The following CDKN1A variants were observed in gnomAD, a reference collection of about 807,000 sequenced individuals.
The protein encoded by CDKN1A is cyclin dependent kinase inhibitor 1A.
A neutral mutation model predicts 14.8 loss-of-function variants in CDKN1A; 14 were observed. The observed-to-expected ratio is 0.94, with a 90% confidence interval of 0.62 to 1.48. CDKN1A has a LOEUF of 1.48. Ranked by LOEUF, CDKN1A falls within the 40% of genes most tolerant of loss-of-function variation. CDKN1A has a pLI of 0.00. For missense variants in CDKN1A, 203 were observed against 231.7 expected (o/e 0.88, Z 0.80); for synonymous variants, 92 against 93.5 (o/e 0.98, Z 0.09).
In CDKN1A at chr6:36,686,673, G is replaced by C; in HGVS notation, c.*873G>C. On this transcript the variant is annotated 3_prime_UTR_variant, in exon 3 of 3. Transcript: ENST00000244741. This position sits in a 1 kb window ranked among gnomAD's most constrained non-coding sequence, Gnocchi z 4.9. ...AGCTCCAGGTGGCTCTGAGGTGCCT[G>C]TCCCACCCCCACCCCCAGCTCAATG... 1 of 234,010 alleles carries C rather than the reference G, an allele frequency of 4.3e-6. No individual in the cohort carries two copies. The highest frequency in any genetic ancestry group is 8.4e-6 in the Non-Finnish European group (1 of 118,352). 14.5% of individuals were successfully genotyped at this position (234,010 alleles called of 1,614,324 possible).
upstream of CDKN1A, chr6:36,678,055 C>T (rs942273543): frequency 2.3e-6 from 1 of 429,184 alleles, no homozygotes; most frequent in South Asian, 1.9e-5. The surrounding 1 kb of genome is among the most constrained non-coding windows in gnomAD (Gnocchi z 5.7). Context: ...TGACAATCAA[C>T]AACTTTGTAT....
Position 36,684,276 on chromosome 6 carries a change from C to T in CDKN1A, c.175C>T (p.Leu59=), listed in dbSNP as rs1366496685. 4.3e-6 allele frequency: 7 copies of T among 1,613,150 alleles called. No individual in the cohort carries two copies. The highest frequency in any genetic ancestry group is 2.2e-5 in the East Asian group (1 of 44,894). Residue 59 remains leucine (L), a synonymous_variant, in exon 2 of 3, where the codon CTG becomes TTG. Transcript: ENST00000244741. This position sits in a 1 kb window ranked among gnomAD's most constrained non-coding sequence, Gnocchi z 6.0. ...WNFDFVTETP[L]EGDFAWERVR... is the part of the protein sequence containing the mutation. ...CTTCGACTTTGTCACCGAGACACCA[C>T]TGGAGGGTGACTTCGCCTGGGAGCG...
upstream of CDKN1A, chr6:36,677,466 A>AT (rs1032347346): frequency 1.5e-5 from 3 of 194,076 alleles, no homozygotes; most frequent in African/African-American, 7.1e-5. Flanking sequence ...ATCCTCTGCA[A>AT]TTTTTTAAAA....
Position 36,678,999 on chromosome 6 carries a change from G to T in CDKN1A, c.-6+201G>T, listed in dbSNP as rs1344354484. The T allele has an allele frequency of 5.1e-6, 5 of 984,004 alleles. No homozygotes were observed. In the African/African-American group the frequency reaches 8.8e-5, roughly 17 times the overall value. 61.0% of individuals were successfully genotyped at this position (984,004 alleles called of 1,614,324 possible). A position where few individuals can be genotyped will look rare whatever the true frequency, so the allele number is the denominator to read the frequency against. Reference sequence around the variant, plus strand: ...TTGCGCACACGGTGTCTCTAAGTGCGCGGGTGACGAGAGTCGGGATGTGCC... The same window carrying T: ...TTGCGCACACGGTGTCTCTAAGTGCTCGGGTGACGAGAGTCGGGATGTGCC... On this transcript the variant is annotated intron_variant, in intron 1 of 2. Coordinates refer to ENST00000244741, the MANE Select transcript of CDKN1A (RefSeq NM_000389.5). The surrounding 1 kb of genome is among the most constrained non-coding windows in gnomAD (Gnocchi z 5.7).
At position 36,684,172 on chromosome 6, in the gene CDKN1A, C is replaced by T. The variant is rs2150312928; in HGVS notation, c.71C>T (p.Pro24Leu). 1 of 1,612,346 alleles carries T rather than the reference C, an allele frequency of 6.2e-7. No individual in the cohort carries two copies. The highest frequency in any genetic ancestry group is 8.5e-7 in the Non-Finnish European group (1 of 1,180,008). Reference protein sequence around the residue: ...GSKACRRLFGPVDSEQLSRDC... With the variant: ...GSKACRRLFGLVDSEQLSRDC... Reference sequence around the variant, plus strand: ...AAGGCCTGCCGCCGCCTCTTCGGCCCAGTGGACAGCGAGCAGCTGAGCCGC... The same window carrying T: ...AAGGCCTGCCGCCGCCTCTTCGGCCTAGTGGACAGCGAGCAGCTGAGCCGC... The change falls in exon 2 of 3, where the codon CCA (proline) becomes CTA (leucine). Residue 24 changes from proline (P) to leucine (L), a missense_variant. By Grantham distance (98) the Pro-to-Leu change is moderately conservative (BLOSUM62 -3). Coordinates refer to ENST00000244741, the MANE Select transcript of CDKN1A (RefSeq NM_000389.5). This position sits in a 1 kb window ranked among gnomAD's most constrained non-coding sequence, Gnocchi z 6.0.
rs1762076565 is a variant in CDKN1A at position 36,683,229 on chromosome 6, A to C, written c.-5-868A>C. ...ATCCTCTGAGACAGTCACTATTACT[A>C]TCCCCATTTTATAGATGAGGAAACT... On this transcript the variant is annotated intron_variant, in intron 1 of 2. Coordinates refer to ENST00000244741, the MANE Select transcript of CDKN1A (RefSeq NM_000389.5). 2.0e-5 allele frequency among the ~76,000 whole-genome samples: 3 copies of C among 152,208 alleles called. No individual in the cohort carries two copies. The South Asian group carries it at 6.2e-4, about 32-fold the overall frequency.
At chr6:36,685,241 TAAC>T (rs1319360122) in intron 2 of CDKN1A, among the ~76,000 whole-genome samples, 4 of 152,202 alleles carry the variant, frequency 2.6e-5, no homozygotes, top group East Asian at 1.9e-4. Context: ...CTAATTATAA[TAAC>T]AACAACTACT....
At chr6:36,678,158 G>A (rs1246464520), upstream of CDKN1A, 1 of 351,970 alleles carries the variant, frequency 2.8e-6, no homozygotes, top group African/African-American at 2.2e-5. The surrounding 1 kb of genome is among the most constrained non-coding windows in gnomAD (Gnocchi z 5.7). Context: ...GGGGTGTCTA[G>A]GTGCTCCAGG....
chr6:36,684,221 C>T lies in CDKN1A; in HGVS notation c.120C>T (p.Gly40=), dbSNP rs745384729. The T allele has an allele frequency of 1.2e-6, 2 of 1,611,736 alleles. No individual in the cohort carries two copies. Among genetic ancestry groups the T allele is most frequent in the Admixed American group, 3.3e-5 (2 of 60,026 alleles). ...GCGACTGTGATGCGCTAATGGCGGG[C>T]TGCATCCAGGAGGCCCGTGAGCGAT... The part of the protein sequence containing the change: ...LSRDCDALMA[G]CIQEARERWN... The change falls in exon 2 of 3, where the codon GGC becomes GGT. Residue 40 remains glycine (G), a synonymous_variant. Transcript: ENST00000244741. The surrounding 1 kb of genome is among the most constrained non-coding windows in gnomAD (Gnocchi z 6.0).
chr6:36,681,718 G>C (rs1397498747), intron 1 of CDKN1A, among the ~76,000 whole-genome samples: 1 of 147,508 alleles, frequency 6.8e-6, no homozygotes. Flanking sequence ...TCAGCCTCCC[G>C]AGTAGCTGGG....
rs1245963046 is a variant in CDKN1A, at chr6:36,684,964, T to G, written c.445+418T>G. On this transcript the variant is annotated intron_variant, in intron 2 of 2. Coordinates refer to ENST00000244741, the MANE Select transcript of CDKN1A (RefSeq NM_000389.5). This position sits in a 1 kb window ranked among gnomAD's most constrained non-coding sequence, Gnocchi z 6.0. ...TTCCTACCTCAGCCTCCTGGGTAGCTGGGAAGCTGGGACTATAGTTGTACA... is the reference window on the plus strand; with the variant it reads ...TTCCTACCTCAGCCTCCTGGGTAGCGGGGAAGCTGGGACTATAGTTGTACA... 6.6e-6 allele frequency among the ~76,000 whole-genome samples: 1 copy of G among 152,148 alleles called. No individual in the cohort carries two copies. Among genetic ancestry groups the G allele is most frequent in the Non-Finnish European group, 1.5e-5 (1 of 68,024 alleles).
Position 36,684,583 on chromosome 6 carries a change from C to T in CDKN1A, c.445+37C>T, listed in dbSNP as rs1216374377. On this transcript the variant is annotated intron_variant, in intron 2 of 2. Transcript: ENST00000244741. This position sits in a 1 kb window ranked among gnomAD's most constrained non-coding sequence, Gnocchi z 6.0. The stretch of plus-strand genomic sequence containing the variant: ...TGCACGGAAGGACTTTGTAAGGGAC[C>T]AGGATTCTCAGAATCCATGGTCCAA... The T allele has an allele frequency of 6.3e-7, 1 of 1,582,410 alleles. No individual in the cohort carries two copies. Among genetic ancestry groups the T allele is most frequent in the South Asian group, 1.1e-5 (1 of 90,210 alleles).
In CDKN1A at chr6:36,678,898, G is replaced by A. The variant is rs1286639879; in HGVS notation, c.-6+100G>A. The A allele has an allele frequency of 3.0e-6, 3 of 985,880 alleles. No individual in the cohort carries two copies. The East Asian group carries it at 3.4e-4, about 112-fold the overall frequency. The allele number at this position is 985,880 out of a possible 1,614,324, so 61.1% of individuals were successfully genotyped here. ...TCCCTGCGTGTCCGCGAGGATGCGT[G>A]TTCGCGGGTGTGTGCTGCGTTCACA... On this transcript the variant is annotated intron_variant, in intron 1 of 2. Coordinates refer to ENST00000244741, the MANE Select transcript of CDKN1A (RefSeq NM_000389.5). The surrounding 1 kb of genome is among the most constrained non-coding windows in gnomAD (Gnocchi z 5.7).
Position 36,686,076 on chromosome 6 carries a change from C to A in CDKN1A, c.*276C>A. The A allele has an allele frequency of 1.9e-6, 1 of 516,380 alleles. No homozygotes were observed. Among genetic ancestry groups the A allele is most frequent in the East Asian group, 3.4e-5 (1 of 29,556 alleles). The allele number at this position is 516,380 out of a possible 1,614,324, so 32.0% of individuals were successfully genotyped here. ...TAAAGCCTCCTCATCCCGTGTTCTCCTTTTCCTCTCTCCCGGAGGTTGGGT... is the reference window on the plus strand; with the variant it reads ...TAAAGCCTCCTCATCCCGTGTTCTCATTTTCCTCTCTCCCGGAGGTTGGGT... On this transcript the variant is annotated 3_prime_UTR_variant, in exon 3 of 3. Coordinates refer to ENST00000244741, the MANE Select transcript of CDKN1A (RefSeq NM_000389.5). The surrounding 1 kb of genome is among the most constrained non-coding windows in gnomAD (Gnocchi z 4.9).
intron 1 of CDKN1A, among the ~76,000 whole-genome samples, chr6:36,682,965 GC>G (rs1233318663): frequency 1.3e-5 from 2 of 152,138 alleles, no homozygotes; most frequent in Non-Finnish European, 2.9e-5. Flanking sequence ...GCGCTGCCCC[GC>G]CCGGCCCCTC....
intron 1 of CDKN1A, among the ~76,000 whole-genome samples, chr6:36,681,127 C>A (rs1761925603): frequency 6.6e-6 from 1 of 152,192 alleles, no homozygotes; most frequent in African/African-American, 2.4e-5. Flanking sequence ...ACCAGTGTGT[C>A]TCCGCTTGGC....
At chr6:36,680,307 C>CGTGTGTGTGTGTGTGTGTGTGT (rs59454180) in intron 1 of CDKN1A, among the ~76,000 whole-genome samples, 50 of 133,272 alleles carry the variant, frequency 3.8e-4, no homozygotes, top group Non-Finnish European at 6.4e-4. Context: ...TCTGCGCGGG[C>CGTGTGTGTGTGTGTGTGTGTGT]GTGTGTGTGT....
Position 36,684,655 on chromosome 6 carries a change from A to G in CDKN1A, c.445+109A>G. ...GTCCAGCATGCTCCAGGTAGAAGGA[A>G]ACAGGCCCAGAGAGGGGAAGCAACC... is the stretch of plus-strand genomic sequence containing the variant. On this transcript the variant is annotated intron_variant, in intron 2 of 2. Transcript: ENST00000244741. This position sits in a 1 kb window ranked among gnomAD's most constrained non-coding sequence, Gnocchi z 6.0. 3 of 1,144,086 alleles carry G rather than the reference A, an allele frequency of 2.6e-6. No homozygotes were observed. The highest frequency in any genetic ancestry group is 3.8e-6 in the Non-Finnish European group (3 of 779,462). The allele number at this position is 1,144,086 out of a possible 1,614,324, so 70.9% of individuals were successfully genotyped here. A position where few individuals can be genotyped will look rare whatever the true frequency, so the allele number is the denominator to read the frequency against.
intron 1 of CDKN1A, among the ~76,000 whole-genome samples, chr6:36,682,002 C>A (rs1360998447): frequency 6.6e-6 from 1 of 152,170 alleles, no homozygotes; most frequent in Non-Finnish European, 1.5e-5. Flanking sequence ...ACCTCTGCCT[C>A]CCAGAGTATT....
Sources: gnomAD v4.1 joint callset for allele counts (sites outside exome capture counted in the v4.1 genomes callset) on GRCh38, gnomAD v4.1.1 for gene constraint, Gnocchi (gnomAD v3.1) non-coding constraint, MANE v1.5 for transcripts, NCBI Gene and HGNC (gene_info 2026-07-23, HGNC 2026-07-21) for gene names.